Variants in MEGF10 observed in about 807,000 individuals in gnomAD.
MEGF10 encodes multiple EGF like domains 10, also known as multiple epidermal growth factor-like domains protein 10.
MEGF10 carries 86 observed loss-of-function variants against 147.5 expected under a neutral mutation model. That is an observed-to-expected ratio of 0.58 (90% CI 0.49 to 0.70). The LOEUF is 0.70. Among genes scored for constraint, MEGF10 ranks in the 30% least tolerant of loss-of-function variants. The probability of loss-of-function intolerance (pLI) is 0.00; values close to 1 mark genes in which losing one functional copy is unlikely to be tolerated. For synonymous variants in MEGF10, 478 were observed against 525.5 expected, an observed-to-expected ratio of 0.91 and a Z score of 1.24; for missense variants, 1,329 against 1,487.3, an observed-to-expected ratio of 0.89 and a Z score of 1.75.
chr5:127,320,887 G>A (rs1760762180), intron 1 of MEGF10, among the ~76,000 whole-genome samples: 1 of 152,186 alleles, frequency 6.6e-6, no homozygotes, highest in Non-Finnish European at 1.5e-5. Context: ...TGGCAGCTGA[G>A]TCACAAATGT....
chr5:127,279,681 C>T, the MEGF10 span, among the ~76,000 whole-genome samples: 4 of 152,134 alleles, frequency 2.6e-5, no homozygotes, highest in Non-Finnish European at 5.9e-5. Flanking sequence ...AAAGACAATA[C>T]TCTGTGTCAA....
intron 4 of MEGF10, among the ~76,000 whole-genome samples, chr5:127,352,833 T>C (rs979218378): frequency 6.6e-6 from 1 of 152,186 alleles, no homozygotes; most frequent in African/African-American, 2.4e-5. Context: ...CAGGTTGATT[T>C]GGGGGCTGAT....
upstream of MEGF10, among the ~76,000 whole-genome samples, chr5:127,290,473 G>T (rs904502385): frequency 2.0e-5 from 3 of 152,174 alleles, no homozygotes; most frequent in Admixed American, 6.5e-5. Flanking sequence ...CCCAACGTGG[G>T]TTGGGAATCA....
At chr5:127,329,122 C>T (rs1761153299) in intron 1 of MEGF10, among the ~76,000 whole-genome samples, 1 of 152,054 alleles carries the variant, frequency 6.6e-6, no homozygotes, top group Non-Finnish European at 1.5e-5. Flanking sequence ...TTTATTCATT[C>T]CCCTTAAATG....
intron 1 of MEGF10, among the ~76,000 whole-genome samples, chr5:127,316,756 G>A (rs113651230): frequency 1.6e-4 from 25 of 152,256 alleles, no homozygotes; most frequent in African/African-American, 6.0e-4. Context: ...CTGACATTAA[G>A]GAGTCTGGTA....
chr5:127,235,591 A>T, the MEGF10 span, among the ~76,000 whole-genome samples: 4 of 152,136 alleles, frequency 2.6e-5, no homozygotes, highest in African/African-American at 4.8e-5. Flanking sequence ...CTCTGCGGTA[A>T]TTTTTATATT....
At chr5:127,328,531 A>G (rs1451502871) in intron 1 of MEGF10, among the ~76,000 whole-genome samples, 1 of 152,206 alleles carries the variant, frequency 6.6e-6, no homozygotes, top group Non-Finnish European at 1.5e-5. Flanking sequence ...TTCACAGGGC[A>G]ATGCATCAGA....
At chr5:127,261,925 T>G in the MEGF10 span, among the ~76,000 whole-genome samples, 1 of 152,210 alleles carries the variant, frequency 6.6e-6, no homozygotes, top group Non-Finnish European at 1.5e-5. Flanking sequence ...GAAATGTCTG[T>G]TCAGATGCTT....
chr5:127,381,265 A>G (rs975833332), intron 5 of MEGF10, among the ~76,000 whole-genome samples: 2 of 152,248 alleles, frequency 1.3e-5, no homozygotes, highest in Non-Finnish European at 2.9e-5. Flanking sequence ...TTCTAATCAC[A>G]TAGTGATGAG....
chr5:127,352,202 A>C (rs1438315662), intron 4 of MEGF10, among the ~76,000 whole-genome samples: 1 of 152,168 alleles, frequency 6.6e-6, no homozygotes, highest in African/African-American at 2.4e-5. Flanking sequence ...TGCTGTCCAG[A>C]CAGGTTGTAA....
At chr5:127,377,164 T>C (rs1217163017) in intron 5 of MEGF10, among the ~76,000 whole-genome samples, 1 of 152,250 alleles carries the variant, frequency 6.6e-6, no homozygotes, top group Admixed American at 6.5e-5. Flanking sequence ...TATGTATGAC[T>C]TACTTTAAGC....
chr5:127,438,367 G>A (rs1026739665), intron 16 of MEGF10, 72 bp from the exon 17 acceptor site: 95 of 1,531,032 alleles, frequency 6.2e-5, no homozygotes, highest in Non-Finnish European at 8.5e-5. Context: ...GATGTGTAGA[G>A]GTGGATGGAA....
At chr5:127,251,788 A>G in the MEGF10 span, among the ~76,000 whole-genome samples, 4 of 152,112 alleles carry the variant, frequency 2.6e-5, no homozygotes, top group South Asian at 8.3e-4. Context: ...GAAAATAATC[A>G]AATATTTAAA....
At chr5:127,402,801 T>A in intron 8 of MEGF10, 119 bp downstream of exon 8, 1 of 1,022,396 alleles carries the variant, frequency 9.8e-7, no homozygotes, top group Non-Finnish European at 1.4e-6. Context: ...ATTTCAGAAG[T>A]AGCTATACAG....
At chr5:127,434,058 A>G (rs552027463) in intron 14 of MEGF10, among the ~76,000 whole-genome samples, 41 of 152,372 alleles carry the variant, frequency 2.7e-4, no homozygotes, top group African/African-American at 9.4e-4. Context: ...TCAAAAAAGA[A>G]TATGTAACTA....
intron 14 of MEGF10, among the ~76,000 whole-genome samples, 157 bp from the exon 15 acceptor site, chr5:127,434,530 G>T (rs1219435439): frequency 1.3e-5 from 2 of 152,074 alleles, no homozygotes; most frequent in Non-Finnish European, 2.9e-5. Flanking sequence ...TTGTTCCTTT[G>T]TTGTTCTTGT....
At chr5:127,320,752 G>C (rs1336936869) in intron 1 of MEGF10, among the ~76,000 whole-genome samples, 3 of 152,156 alleles carry the variant, frequency 2.0e-5, no homozygotes, top group Admixed American at 1.3e-4. Flanking sequence ...TTGACAATGT[G>C]GGCTTAAAAC....
intron 3 of MEGF10, among the ~76,000 whole-genome samples, chr5:127,340,035 G>A (rs183638164): frequency 2.6e-5 from 4 of 152,268 alleles, no homozygotes; most frequent in Admixed American, 2.6e-4. Flanking sequence ...CAAGGGATTT[G>A]TATTGTTTTG....
chr5:127,245,524 A>G, the MEGF10 span, among the ~76,000 whole-genome samples: 7,070 of 152,294 alleles, frequency 0.046, 309 homozygotes, highest in African/African-American at 0.11. Context: ...AACCTAGGCA[A>G]TACCATTCAG....
Sources: allele counts gnomAD v4.1 joint callset (sites outside exome capture counted in the v4.1 genomes callset), GRCh38; gene constraint gnomAD v4.1.1; transcripts MANE v1.5; gene names NCBI Gene and HGNC (gene_info 2026-07-23, HGNC 2026-07-21).